TOP3A: variants seen among roughly 807,000 people sequenced by gnomAD.
TOP3A encodes DNA topoisomerase III alpha, also known as DNA topoisomerase 3-alpha.
TOP3A carries 64 observed loss-of-function variants against 111.3 expected under a neutral mutation model. That is an observed-to-expected ratio of 0.57 (90% confidence interval 0.47 to 0.71). The LOEUF (loss-of-function observed/expected upper bound fraction) is 0.71. Among genes scored for constraint, TOP3A ranks in the 30% least tolerant of loss-of-function variants. The pLI, the probability that TOP3A is intolerant of heterozygous loss-of-function variation, is 0.00. For synonymous variants in TOP3A, 484 were observed against 485.1 expected, an observed-to-expected ratio of 1.00 and a Z score of 0.03; for missense variants, 1,104 against 1,285.0, an observed-to-expected ratio of 0.86 and a Z score of 2.15.
intron 9 of TOP3A, among the ~76,000 whole-genome samples, chr17:18,297,179 A>G (rs1256285494): frequency 6.6e-6 from 1 of 152,178 alleles, no homozygotes; most frequent in African/African-American, 2.4e-5. Context: ...TAATCCCAGC[A>G]CTTTGGGAGG....
intron 9 of TOP3A, among the ~76,000 whole-genome samples, chr17:18,297,817 G>A (rs1202305510): frequency 6.6e-6 from 1 of 152,104 alleles, no homozygotes; most frequent in South Asian, 2.1e-4. Flanking sequence ...CCAAAGTGCC[G>A]AGATTGCAGC....
At position 18,282,689 on chromosome 17, in the gene TOP3A, C is replaced by G; in HGVS notation, c.2021+9G>C. 6.2e-7 allele frequency: 1 copy of G among 1,612,826 alleles called. No individual in the cohort carries two copies. Among genetic ancestry groups the G allele is most frequent in the Non-Finnish European group, 8.5e-7 (1 of 1,179,842 alleles). ...GAGCAGAGGTGGGGGCAGAAGGCAG[C>G]GCACTCACCCGCCATTCTTCTTGGT... On this transcript the variant is annotated intron_variant, in intron 16 of 18. Transcript: ENST00000321105.
At position 18,299,645 on chromosome 17, in the gene TOP3A, G is replaced by A. The variant is rs759079958; in HGVS notation, c.916-12C>T. On this transcript the variant is annotated splice_polypyrimidine_tract_variant and intron_variant, in intron 8 of 18. Transcript: ENST00000321105. ...GTTGCCATGGGATCCTAGAAAGCCA[G>A]GAAAGAAAAGACCATGTTAACCTGT... The A allele has an allele frequency of 2.0e-5, 32 of 1,612,886 alleles. No individual in the cohort carries two copies. The Middle Eastern group carries it at 6.6e-4, about 33-fold the overall frequency.
rs780940562 is a variant in TOP3A, at chr17:18,292,495, A to G, written c.1281+150T>C. 84 of 777,984 alleles carry G rather than the reference A, an allele frequency of 1.1e-4. 1 individual carries two copies. The African/African-American group carries it at 1.3e-3, about 12-fold the overall frequency. The allele number at this position is 777,984 out of a possible 1,614,324, so 48.2% of individuals were successfully genotyped here. A position where few individuals can be genotyped will look rare whatever the true frequency, so the allele number is the denominator to read the frequency against. On this transcript the variant is annotated intron_variant, in intron 11 of 18. Transcript: ENST00000321105. ...CACGGGGAGGGATGAGGCGGTCTTT[A>G]TCAAAGCCAGGCAGAGGATTGTGAA...
chr17:18,281,889 G>A (rs750005248), intron 16 of TOP3A, among the ~76,000 whole-genome samples: 25 of 152,204 alleles, frequency 1.6e-4, no homozygotes, highest in Non-Finnish European at 3.4e-4. Flanking sequence ...TTGACTCCAA[G>A]CAAGCACCTC....
intron 4 of TOP3A, 169 bp downstream of exon 4, chr17:18,306,722 T>G (rs190421863): frequency 3.5e-6 from 2 of 576,330 alleles, no homozygotes; most frequent in Admixed American, 3.2e-5. Flanking sequence ...TTCAGTCCCT[T>G]GGCCACTTAG....
rs200160467 is a variant in TOP3A at position 18,274,965 on chromosome 17, G to A, written c.2843C>T (p.Pro948Leu). 1.1e-5 allele frequency: 18 copies of A among 1,613,674 alleles called. No homozygotes were observed. The highest frequency in any genetic ancestry group is 1.7e-4 in the Middle Eastern group (1 of 6,016). The stretch of plus-strand genomic sequence containing the variant: ...TCTTCCTCTGTCTCCTGTCCAGGAC[G>A]GGGCTCCAGAAGTCCCTGTCGGGAG... ...ENTAPGTSGA[P>L]SWTGDRGRTL... is the part of the protein sequence containing the mutation. Residue 948 changes from proline (P) to leucine (L), a missense_variant, in exon 19 of 19, where the codon CCG becomes CTG. Physicochemically the swap from Pro to Leu is moderately conservative, Grantham distance 98 (BLOSUM62 -3). Coordinates refer to ENST00000321105, the MANE Select transcript of TOP3A (RefSeq NM_004618.5).
At chr17:18,282,562 A>C in intron 16 of TOP3A, 136 bp downstream of exon 16, 1 of 1,259,582 alleles carries the variant, frequency 7.9e-7, no homozygotes, top group Non-Finnish European at 1.1e-6. Context: ...TTTTAGGCCA[A>C]CACCTTGCCT....
At position 18,300,563 on chromosome 17, in the gene TOP3A, AT is replaced by A. The variant is rs568402372; in HGVS notation, c.916-931del. 7.7e-3 allele frequency among the ~76,000 whole-genome samples: 1,151 copies of A among 149,600 alleles called. 17 individuals carry two copies. The highest frequency in any genetic ancestry group is 0.026 in the African/African-American group (1,067 of 40,818). On this transcript the variant is annotated intron_variant, in intron 8 of 18. Transcript: ENST00000321105. ...TACTTTTATATTTTATTATTATTTGATTTTTTTTTTGAGGCAGTATCTCGTT... is the reference window on the plus strand; with the variant it reads ...TACTTTTATATTTTATTATTATTTGATTTTTTTTTGAGGCAGTATCTCGTT...
intron 1 of TOP3A, chr17:18,312,117 T>C (rs145116968): frequency 6.6e-6 from 1 of 152,466 alleles, no homozygotes; most frequent in African/African-American, 2.4e-5. Flanking sequence ...AAGTGGCTGA[T>C]GTGCCACCTG....
intron 2 of TOP3A, 131 bp downstream of exon 2, chr17:18,308,751 C>A (rs1011026534): frequency 4.0e-5 from 22 of 548,972 alleles, no homozygotes; most frequent in East Asian, 1.3e-4. Flanking sequence ...AAAGTGATCA[C>A]CCCATATCCA....
Position 18,290,694 on chromosome 17 carries a change from G to C in TOP3A, c.1468-8C>G, listed in dbSNP as rs770646307. On this transcript the variant is annotated splice_polypyrimidine_tract_variant and splice_region_variant and intron_variant, in intron 12 of 18. Transcript: ENST00000321105. Reference sequence around the variant, plus strand: ...CTCATAGACAGGGAGGATCTACAGGGAGCGGCAGGTGCAACAGTCAGATGA... The same window carrying C: ...CTCATAGACAGGGAGGATCTACAGGCAGCGGCAGGTGCAACAGTCAGATGA... The C allele has an allele frequency of 1.0e-5, 16 of 1,590,524 alleles. No individual in the cohort carries two copies. The East Asian group carries it at 3.6e-4, about 36-fold the overall frequency.
At chr17:18,282,167 A>G (rs1979801268) in intron 16 of TOP3A, among the ~76,000 whole-genome samples, 1 of 152,216 alleles carries the variant, frequency 6.6e-6, no homozygotes, top group African/African-American at 2.4e-5. Context: ...GGCCCCATTC[A>G]GAACTAAAAC....
In TOP3A at chr17:18,278,147, G is replaced by C; in HGVS notation, c.2355C>G (p.Asp785Glu). 1 of 1,614,230 alleles carries C rather than the reference G, an allele frequency of 6.2e-7. No individual in the cohort carries two copies. Among genetic ancestry groups the C allele is most frequent in the Non-Finnish European group, 8.5e-7 (1 of 1,180,036 alleles). The change falls in exon 18 of 19, where the codon GAC becomes GAG. Residue 785 changes from aspartate (D) to glutamate (E), a missense_variant. Transcript: ENST00000321105. ...MDNSQHPQPA[D>E]SRQTGSSKAL... ...CCTTTGAGGACCCAGTCTGTCTGCT[G>C]TCAGCAGGCTGGGGGTGCTGGCTGT...
chr17:18,303,241 G>A (rs907003096), intron 5 of TOP3A, among the ~76,000 whole-genome samples: 2 of 152,178 alleles, frequency 1.3e-5, no homozygotes, highest in South Asian at 2.1e-4. Context: ...ATTAACCAGA[G>A]ACACAATGCA....
At chr17:18,309,912 G>A (rs1022419523) in intron 1 of TOP3A, among the ~76,000 whole-genome samples, 6 of 150,478 alleles carry the variant, frequency 4.0e-5, no homozygotes, top group Admixed American at 1.3e-4. Context: ...GGGTTTCACC[G>A]TGTTAGCCAG....
At chr17:18,300,779 T>C (rs369724519) in intron 8 of TOP3A, among the ~76,000 whole-genome samples, 136 of 152,228 alleles carry the variant, frequency 8.9e-4, no homozygotes, top group African/African-American at 3.2e-3. Context: ...GTGGTCTTTT[T>C]ATTTAACAAA....
intron 9 of TOP3A, 43 bp from the exon 10 acceptor site, chr17:18,294,828 TCAGG>T (rs927446688): frequency 3.3e-5 from 44 of 1,332,304 alleles, no homozygotes; most frequent in Middle Eastern, 3.6e-4. Context: ...ACTGCATGGG[TCAGG>T]CAGCACAACT....
Position 18,283,110 on chromosome 17 carries a change from G to T in TOP3A, c.1878-269C>A, listed in dbSNP as rs139397468. ...AAAAAGTAAAACTGGGCCAAATGTG[G>T]TGGCTCACGCCTGTAATCCCAGGCC... On this transcript the variant is annotated intron_variant, in intron 15 of 18. Coordinates refer to ENST00000321105, the MANE Select transcript of TOP3A (RefSeq NM_004618.5). 3.2e-4 allele frequency among the ~76,000 whole-genome samples: 49 copies of T among 152,260 alleles called. No homozygotes were observed. In the East Asian group the frequency reaches 9.3e-3, roughly 29 times the overall value.
Sources: gnomAD v4.1 joint callset for allele counts (sites outside exome capture counted in the v4.1 genomes callset) on GRCh38, gnomAD v4.1.1 for gene constraint, MANE v1.5 for transcripts, NCBI Gene and HGNC (gene_info 2026-07-23, HGNC 2026-07-21) for gene names.